HSPG2: variants seen among roughly 807,000 people sequenced by gnomAD.
HSPG2 encodes heparan sulfate proteoglycan 2, also known as basement membrane-specific heparan sulfate proteoglycan core protein.
Under a neutral mutation model 526.6 loss-of-function variants are expected in HSPG2, and 278 were observed. The ratio of observed to expected loss-of-function variants is 0.53; its 90% CI spans 0.48 to 0.58. The LOEUF is 0.58. Among genes scored for constraint, HSPG2 ranks in the 20% least tolerant of loss-of-function variants. HSPG2 has a pLI of 0.00. For missense variants in HSPG2, 5,354 were observed against 6,099.5 expected (o/e 0.88, Z 4.07); for synonymous variants, 2,465 against 2,555.4 (o/e 0.96, Z 1.07).
chr1:21,921,856 G>C (rs1213704723), intron 1 of HSPG2, among the ~76,000 whole-genome samples: 1 of 152,198 alleles, frequency 6.6e-6, no homozygotes, highest in African/African-American at 2.4e-5. Flanking sequence ...GTCCCTGAGA[G>C]CATTTACAGA....
Position 21,828,055 on chromosome 1 carries a change from G to T in HSPG2, c.12507C>A (p.Gly4169=). The T allele has an allele frequency of 6.2e-7, 1 of 1,613,702 alleles. No homozygotes were observed. Among genetic ancestry groups the T allele is most frequent in the Non-Finnish European group, 8.5e-7 (1 of 1,180,016 alleles). ...CTTGTTGGCAGCGTGGGCCAGAGAA[G>T]CCAGGGAGGCAGAGGCAGCGGGTGC... ...CQGTRCLCLP[G]FSGPRCQQGS... The change falls in exon 90 of 97, where the codon GGC becomes GGA. Residue 4169 remains glycine (G), a synonymous_variant. Coordinates refer to ENST00000374695, the MANE Select transcript of HSPG2 (RefSeq NM_005529.7). This position sits in a 1 kb window ranked among gnomAD's most constrained non-coding sequence, Gnocchi z 6.0.
rs66533518 is a variant in HSPG2 at position 21,842,475 on chromosome 1, G to A, written c.8911-95C>T. On this transcript the variant is annotated intron_variant, in intron 67 of 96. Coordinates refer to ENST00000374695, the MANE Select transcript of HSPG2 (RefSeq NM_005529.7). ...TGTGCCGGTACCCAAGAGTTCTCTC[G>A]GAAGCTCAGGGTCTCAGCTGGTAGG... 261,980 of 1,369,174 alleles carry A rather than the reference G, an allele frequency of 0.19. 25,301 individuals are homozygous for A. Among genetic ancestry groups the A allele is most frequent in the Admixed American group, 0.29 (11,373 of 39,344 alleles). The allele number at this position is 1,369,174 out of a possible 1,614,324, so 84.8% of individuals were successfully genotyped here. A position where few individuals can be genotyped will look rare whatever the true frequency, so the allele number is the denominator to read the frequency against.
Position 21,833,838 on chromosome 1 carries a change from G to A in HSPG2, c.10808C>T (p.Thr3603Ile), listed in dbSNP as rs1254568053. ...TACCTTGCTCCAGCTGATGTCAGGA[G>A]TGGGGTAGCCTGAGGCTATGCAGGG... Reference protein sequence around the residue: ...VFPCIASGYPTPDISWSKLDG... With the variant: ...VFPCIASGYPIPDISWSKLDG... Residue 3603 changes from threonine (T) to isoleucine (I), a missense_variant, in exon 78 of 97, where the codon ACT becomes ATT. Transcript: ENST00000374695. 2 of 1,601,932 alleles carry A rather than the reference G, an allele frequency of 1.2e-6. No homozygotes were observed. Among genetic ancestry groups the A allele is most frequent in the Non-Finnish European group, 1.7e-6 (2 of 1,174,048 alleles).
At chr1:21,844,344 T>A (rs1638253576) in intron 64 of HSPG2, 45 bp from the exon 65 acceptor site, 1 of 1,588,052 alleles carries the variant, frequency 6.3e-7, no homozygotes, top group South Asian at 1.1e-5. Context: ...GCCACCCTGA[T>A]GCCCTCAGCC....
At position 21,887,535 on chromosome 1, in the gene HSPG2, C is replaced by T; in HGVS notation, c.843G>A (p.Arg281=). ...APQPLLPGSV[R]PLPCGPQEAA... Reference sequence around the variant, plus strand: ...CCTCCTGGGGCCCACAGGGCAGGGGCCTGACGGAACCGGGAAGCAGGGGCT... The same window carrying T: ...CCTCCTGGGGCCCACAGGGCAGGGGTCTGACGGAACCGGGAAGCAGGGGCT... The change falls in exon 8 of 97, where the codon AGG becomes AGA. Residue 281 remains arginine, a synonymous_variant. Coordinates refer to ENST00000374695, the MANE Select transcript of HSPG2 (RefSeq NM_005529.7). The surrounding 1 kb of genome is among the most constrained non-coding windows in gnomAD (Gnocchi z 5.0). 6.2e-7 allele frequency: 1 copy of T among 1,614,108 alleles called. No homozygotes were observed. The highest frequency in any genetic ancestry group is 1.1e-5 in the South Asian group (1 of 91,076).
chr1:21,827,547 A>G (rs966493897), intron 91 of HSPG2, among the ~76,000 whole-genome samples: 5 of 152,224 alleles, frequency 3.3e-5, no homozygotes, highest in African/African-American at 1.2e-4. Flanking sequence ...ATTCTTGGGA[A>G]TGAGGGTCTT....
Position 21,833,250 on chromosome 1 carries a change from A to C in HSPG2, c.11095+18T>G. ...CAACCCAGGCCAGCCCACCCCGCAA[A>C]TTAACCCTCCTGCTCACCATCGGCT... On this transcript the variant is annotated intron_variant, in intron 80 of 96. Transcript: ENST00000374695. 1 of 1,608,268 alleles carries C rather than the reference A, an allele frequency of 6.2e-7. No homozygotes were observed.
rs921073235 is a variant in HSPG2 at position 21,865,192 on chromosome 1, G to A, written c.4395+93C>T. On this transcript the variant is annotated intron_variant, in intron 35 of 96. Coordinates refer to ENST00000374695, the MANE Select transcript of HSPG2 (RefSeq NM_005529.7). This position sits in a 1 kb window ranked among gnomAD's most constrained non-coding sequence, Gnocchi z 5.4. ...CTGAGGGCTGCCAGGTGAAGGTTGG[G>A]GAGCGAGAGACAGGGTGGGTATCAA... 5.3e-6 allele frequency: 8 copies of A among 1,521,138 alleles called. No individual in the cohort carries two copies. In the Admixed American group the frequency reaches 6.7e-5, roughly 13 times the overall value. The allele number at this position is 1,521,138 out of a possible 1,614,324, so 94.2% of individuals were successfully genotyped here.
At chr1:21,912,495 G>A (rs1168380642) in intron 1 of HSPG2, among the ~76,000 whole-genome samples, 1 of 152,124 alleles carries the variant, frequency 6.6e-6, no homozygotes, top group African/African-American at 2.4e-5. Context: ...AGCTGGGAGG[G>A]ATCACCTAGC....
intron 1 of HSPG2, among the ~76,000 whole-genome samples, chr1:21,906,304 C>T (rs1385317558): frequency 2.0e-5 from 3 of 152,180 alleles, no homozygotes; most frequent in African/African-American, 7.2e-5. Flanking sequence ...ACTCTGGCTC[C>T]AGGGCCTTGC....
In HSPG2 at chr1:21,865,010, C is replaced by T. The variant is rs562026042; in HGVS notation, c.4459G>A (p.Asp1487Asn). 19 of 1,578,450 alleles carry T rather than the reference C, an allele frequency of 1.2e-5. No homozygotes were observed. The East Asian group carries it at 2.1e-4, about 17-fold the overall frequency. The change falls in exon 36 of 97, where the codon GAC (aspartate) becomes AAC (asparagine). Residue 1487 changes from aspartate to asparagine, a missense_variant. Physicochemically the swap from Asp to Asn is conservative, Grantham distance 23 (BLOSUM62 1). Transcript: ENST00000374695. This position sits in a 1 kb window ranked among gnomAD's most constrained non-coding sequence, Gnocchi z 5.4. ...TREHLLMALA[D>N]LDELLIRATF... ...GCCCGGATCAGGAGCTCATCCAGGT[C>T]GGCCAGTGCCATCAGGAGGTGCTCG...
At chr1:21,874,767 A>G (rs1640914582) in intron 26 of HSPG2, 38 bp from the exon 27 acceptor site, 4 of 1,550,732 alleles carry the variant, frequency 2.6e-6, no homozygotes, top group Non-Finnish European at 3.5e-6. Context: ...GGACTTCCGA[A>G]CACGGCCCAT....
intron 1 of HSPG2, among the ~76,000 whole-genome samples, chr1:21,920,801 C>T (rs1442143904): frequency 6.6e-6 from 1 of 152,190 alleles, no homozygotes; most frequent in Non-Finnish European, 1.5e-5. Flanking sequence ...CAGCAGGACC[C>T]AGCCCAGGGA....
At position 21,839,594 on chromosome 1, in the gene HSPG2, C is replaced by T. The variant is rs755849645; in HGVS notation, c.9710-44G>A. ...GATGACAGAAGTCACTGGGCTACCTCAGGGACCCGCAGAGGGTGGCCATGG... is the reference window on the plus strand; with the variant it reads ...GATGACAGAAGTCACTGGGCTACCTTAGGGACCCGCAGAGGGTGGCCATGG... On this transcript the variant is annotated intron_variant, in intron 72 of 96. Transcript: ENST00000374695. The surrounding 1 kb of genome is among the most constrained non-coding windows in gnomAD (Gnocchi z 4.5). 2 of 1,603,306 alleles carry T rather than the reference C, an allele frequency of 1.2e-6. No homozygotes were observed. The highest frequency in any genetic ancestry group is 1.7e-5 in the Admixed American group (1 of 59,072).
chr1:21,876,421 A>C lies in HSPG2; in HGVS notation c.2827-16T>G. On this transcript the variant is annotated splice_polypyrimidine_tract_variant and intron_variant, in intron 22 of 96. Coordinates refer to ENST00000374695, the MANE Select transcript of HSPG2 (RefSeq NM_005529.7). ...CCCCATGCAACTGGGAGGAGGAGAA[A>C]GGGCTGGGATGGGGGCCGTGGCCTG... 6.2e-7 allele frequency: 1 copy of C among 1,610,462 alleles called. No homozygotes were observed. Among genetic ancestry groups the C allele is most frequent in the Non-Finnish European group, 8.5e-7 (1 of 1,178,396 alleles).
chr1:21,903,523 C>G (rs966598481), intron 1 of HSPG2, among the ~76,000 whole-genome samples: 6 of 152,126 alleles, frequency 3.9e-5, no homozygotes, highest in Non-Finnish European at 8.8e-5. Flanking sequence ...ATCGTTTAAC[C>G]CAGGAGGCAG....
At chr1:21,891,150 G>A (rs996655946) in intron 3 of HSPG2, among the ~76,000 whole-genome samples, 2 of 152,196 alleles carry the variant, frequency 1.3e-5, no homozygotes, top group African/African-American at 4.8e-5. Context: ...CTGGGGTAGA[G>A]ACCGCTCCCC....
In HSPG2 at chr1:21,895,987, T is replaced by C. The variant is rs1422705739; in HGVS notation, c.200-21A>G. ...GTCGTCTATAAGCAAAAAAGAGATG[T>C]AATCAGCAACAACAAGTATTTGTTG... On this transcript the variant is annotated intron_variant, in intron 2 of 96. Transcript: ENST00000374695. This position sits in a 1 kb window ranked among gnomAD's most constrained non-coding sequence, Gnocchi z 4.1. 1.2e-6 allele frequency: 2 copies of C among 1,613,676 alleles called. No individual in the cohort carries two copies. Among genetic ancestry groups the C allele is most frequent in the East Asian group, 2.2e-5 (1 of 44,862 alleles).
intron 1 of HSPG2, among the ~76,000 whole-genome samples, chr1:21,909,916 C>T (rs55698876): frequency 0.031 from 4,743 of 152,314 alleles, 204 homozygotes; most frequent in African/African-American, 0.094. Context: ...CAGAGCCGTC[C>T]CTGGGAGTCC....
Sources: allele counts gnomAD v4.1 joint callset (sites outside exome capture counted in the v4.1 genomes callset), GRCh38; gene constraint gnomAD v4.1.1; non-coding constraint Gnocchi (gnomAD v3.1); transcripts MANE v1.5; gene names NCBI Gene and HGNC (gene_info 2026-07-23, HGNC 2026-07-21).